Variants in ST6GALNAC3 observed in about 807,000 individuals in gnomAD.
ST6GALNAC3 encodes the protein ST6 N-acetylgalactosaminide alpha-2,6-sialyltransferase 3.
ST6GALNAC3 carries 25 observed loss-of-function variants against 32.7 expected under a neutral mutation model. The ratio of observed to expected loss-of-function variants is 0.76; its 90% confidence interval spans 0.56 to 1.07. The LOEUF (loss-of-function observed/expected upper bound fraction) is 1.07. ST6GALNAC3 is among the 50% of genes least tolerant of loss of function. ST6GALNAC3 has a pLI of 0.00. For synonymous variants in ST6GALNAC3, 129 were observed against 133.1 expected, an observed-to-expected ratio of 0.97 and a Z score of 0.21; for missense variants, 355 against 382.4, an observed-to-expected ratio of 0.93 and a Z score of 0.60.
At chr1:76,097,220 G>C (rs547135516) in intron 1 of ST6GALNAC3, among the ~76,000 whole-genome samples, 1 of 152,284 alleles carries the variant, frequency 6.6e-6, no homozygotes, top group African/African-American at 2.4e-5. Flanking sequence ...CGCCCAGCCA[G>C]AGCATTGTTT....
chr1:76,622,811 C>T (rs1048982404), intron 3 of ST6GALNAC3, among the ~76,000 whole-genome samples: 3 of 151,986 alleles, frequency 2.0e-5, no homozygotes, highest in Non-Finnish European at 4.4e-5. Flanking sequence ...ATAAATCCAA[C>T]ATAATCCAGT....
intron 3 of ST6GALNAC3, among the ~76,000 whole-genome samples, chr1:76,567,959 G>A (rs1665646783): frequency 6.6e-6 from 1 of 152,178 alleles, no homozygotes; most frequent in Non-Finnish European, 1.5e-5. Context: ...GCATCTGTAT[G>A]TTAAAAATAA....
chr1:76,188,614 G>C (rs992714089), intron 1 of ST6GALNAC3, among the ~76,000 whole-genome samples: 3 of 152,076 alleles, frequency 2.0e-5, no homozygotes, highest in African/African-American at 7.2e-5. Flanking sequence ...GAAAATTTGT[G>C]TTTAACTTTT....
chr1:76,604,113 G>C (rs1647374099), intron 3 of ST6GALNAC3, among the ~76,000 whole-genome samples: 1 of 151,892 alleles, frequency 6.6e-6, no homozygotes, highest in Non-Finnish European at 1.5e-5. Flanking sequence ...TTTGAAAAAT[G>C]GGAAAAAAAA....
intron 2 of ST6GALNAC3, among the ~76,000 whole-genome samples, chr1:76,387,719 A>G (rs1652207722): frequency 6.6e-6 from 1 of 152,196 alleles, no homozygotes; most frequent in East Asian, 1.9e-4. Flanking sequence ...AATTTTAGAT[A>G]TAGGTAGGGT....
chr1:76,254,713 T>G (rs549496), intron 1 of ST6GALNAC3, among the ~76,000 whole-genome samples: 24,059 of 151,634 alleles, frequency 0.16, 2,423 homozygotes, highest in Non-Finnish European at 0.23. Context: ...ATTAAGCTGG[T>G]TTTTTTTCCC....
chr1:76,226,391 T>A (rs1252115797), intron 1 of ST6GALNAC3, among the ~76,000 whole-genome samples: 2 of 152,236 alleles, frequency 1.3e-5, no homozygotes, highest in African/African-American at 4.8e-5. Context: ...TGGAGTAACC[T>A]GTTTTTTCTT....
At chr1:76,155,489 T>G (rs1293516304) in intron 1 of ST6GALNAC3, among the ~76,000 whole-genome samples, 1 of 152,204 alleles carries the variant, frequency 6.6e-6, no homozygotes, top group African/African-American at 2.4e-5. Context: ...TTTATTTTTT[T>G]GAGACGGAGT....
At chr1:76,355,170 C>T (rs1649334639) in intron 2 of ST6GALNAC3, among the ~76,000 whole-genome samples, 1 of 152,000 alleles carries the variant, frequency 6.6e-6, no homozygotes, top group African/African-American at 2.4e-5. Flanking sequence ...AGTGGAGATG[C>T]CATGCGGTCA....
intron 1 of ST6GALNAC3, among the ~76,000 whole-genome samples, chr1:76,266,953 C>T (rs924085699): frequency 1.3e-5 from 2 of 152,174 alleles, no homozygotes; most frequent in African/African-American, 4.8e-5. Flanking sequence ...TGCGGATATG[C>T]TCGGGTCTTG....
chr1:76,245,338 C>G (rs550612587), intron 1 of ST6GALNAC3, among the ~76,000 whole-genome samples: 1 of 151,982 alleles, frequency 6.6e-6, no homozygotes, highest in Non-Finnish European at 1.5e-5. Flanking sequence ...CTTTATTAGT[C>G]TAGCTAGTGG....
At chr1:76,096,926 T>C (rs1647142397) in intron 1 of ST6GALNAC3, among the ~76,000 whole-genome samples, 1 of 151,828 alleles carries the variant, frequency 6.6e-6, no homozygotes, top group Non-Finnish European at 1.5e-5. Flanking sequence ...AGCTTTTTTT[T>C]TTTTTTTTTT....
At chr1:76,162,350 C>G (rs1474594765) in intron 1 of ST6GALNAC3, among the ~76,000 whole-genome samples, 1 of 152,188 alleles carries the variant, frequency 6.6e-6, no homozygotes, top group East Asian at 1.9e-4. Flanking sequence ...TCTCTCTGCA[C>G]CATGAAATGC....
chr1:76,415,069 G>A (rs965776819), intron 3 of ST6GALNAC3, among the ~76,000 whole-genome samples: 11 of 150,896 alleles, frequency 7.3e-5, no homozygotes, highest in African/African-American at 2.4e-4. Context: ...GGCATTAGTC[G>A]TACAGAGTTT....
chr1:76,550,731 A>G (rs1308479385), intron 3 of ST6GALNAC3, among the ~76,000 whole-genome samples: 1 of 152,016 alleles, frequency 6.6e-6, no homozygotes, highest in Non-Finnish European at 1.5e-5. Flanking sequence ...TAATGGATAA[A>G]AAGCTTTTGC....
intron 2 of ST6GALNAC3, among the ~76,000 whole-genome samples, chr1:76,404,888 T>C (rs1471925538): frequency 6.6e-6 from 1 of 152,134 alleles, no homozygotes; most frequent in Non-Finnish European, 1.5e-5. Context: ...ATTAGAGTAG[T>C]GTAAAACAAT....
intron 1 of ST6GALNAC3, among the ~76,000 whole-genome samples, chr1:76,261,784 G>T (rs1658252373): frequency 1.3e-5 from 2 of 152,072 alleles, no homozygotes; most frequent in African/African-American, 4.8e-5. Context: ...CCCTCTTTTG[G>T]CCTAATGCAT....
At chr1:76,504,194 T>C (rs1005900329) in intron 3 of ST6GALNAC3, among the ~76,000 whole-genome samples, 4 of 152,140 alleles carry the variant, frequency 2.6e-5, no homozygotes, top group Non-Finnish European at 5.9e-5. Context: ...CTAAATTCTA[T>C]GGCTGCTGAC....
In ST6GALNAC3 at chr1:76,093,436, T is replaced by C. The variant is rs143581357; in HGVS notation, c.18+18552T>C. On this transcript the variant is annotated intron_variant, in intron 1 of 4. Transcript: ENST00000328299. Reference sequence around the variant, plus strand: ...GCAAGAACTGTTCCTCCATGATCTATGGCTAGAGCCTGAAACTGCCCAAGT... The same window carrying C: ...GCAAGAACTGTTCCTCCATGATCTACGGCTAGAGCCTGAAACTGCCCAAGT... Among the ~76,000 whole-genome samples the C allele has an allele frequency of 3.3e-5, 5 of 152,352 alleles. No individual in the cohort carries two copies. In the East Asian group the frequency reaches 5.8e-4, roughly 18 times the overall value.
Sources: gnomAD v4.1 joint callset for allele counts (sites outside exome capture counted in the v4.1 genomes callset) on GRCh38, gnomAD v4.1.1 for gene constraint, MANE v1.5 for transcripts, NCBI Gene and HGNC (gene_info 2026-07-23, HGNC 2026-07-21) for gene names.